Variants in DDR2 observed in about 807,000 individuals in gnomAD.
DDR2 encodes discoidin domain-containing receptor 2.
In DDR2, 27 loss-of-function variants were observed where a neutral mutation model predicts 94.9. The ratio of observed to expected loss-of-function variants is 0.28; its 90% confidence interval spans 0.21 to 0.39. The LOEUF (loss-of-function observed/expected upper bound fraction) is 0.39. Among genes scored for constraint, DDR2 ranks in the 10% least tolerant of loss-of-function variants. The pLI, the probability that DDR2 is intolerant of heterozygous loss-of-function variation, is 1.00. For synonymous variants in DDR2, 382 were observed against 377.2 expected, an observed-to-expected ratio of 1.01 and a Z score of -0.15; for missense variants, 783 against 1,076.0, an observed-to-expected ratio of 0.73 and a Z score of 3.81.
At chr1:162,685,944 T>A (rs772519609) in intron 2 of DDR2, among the ~76,000 whole-genome samples, 81 of 152,350 alleles carry the variant, frequency 5.3e-4, no homozygotes, top group Admixed American at 9.1e-4. Context: ...CCAGGCATTC[T>A]ATTCAGCATC....
At chr1:162,724,625 T>C (rs1245674378) in intron 3 of DDR2, among the ~76,000 whole-genome samples, 1 of 152,170 alleles carries the variant, frequency 6.6e-6, no homozygotes. Context: ...TTTGTTTCCC[T>C]GGCTTCTCGT....
Position 162,669,516 on chromosome 1 carries a change from C to A in DDR2, c.-28+14142C>A, listed in dbSNP as rs192277662. 3.5e-3 allele frequency among the ~76,000 whole-genome samples: 532 copies of A among 152,258 alleles called. 7 individuals carry two copies. Among genetic ancestry groups the A allele is most frequent in the African/African-American group, 0.012 (509 of 41,544 alleles). On this transcript the variant is annotated intron_variant, in intron 2 of 17. Transcript: ENST00000367921. ...ATGTTACATGGCTTTTTAGTGAACA[C>A]TTTTGTTATAAACATGCGTGTGTAG...
chr1:162,650,496 T>C (rs866064247), intron 1 of DDR2, among the ~76,000 whole-genome samples: 32 of 152,208 alleles, frequency 2.1e-4, no homozygotes, highest in African/African-American at 7.7e-4. Context: ...CTCAGGAGGC[T>C]GAGGCAGGAG....
At chr1:162,723,900 G>C (rs1661534062) in intron 3 of DDR2, among the ~76,000 whole-genome samples, 1 of 152,148 alleles carries the variant, frequency 6.6e-6, no homozygotes, top group South Asian at 2.1e-4. Context: ...AAAAAGAGTG[G>C]CAAAGCCATT....
intron 3 of DDR2, among the ~76,000 whole-genome samples, chr1:162,737,755 A>G (rs1662382801): frequency 8.1e-6 from 1 of 123,194 alleles, no homozygotes; most frequent in African/African-American, 3.1e-5. Flanking sequence ...CAATGGTTGA[A>G]CTAGTTTACA....
At chr1:162,701,676 C>G (rs929766811) in intron 2 of DDR2, among the ~76,000 whole-genome samples, 1 of 152,206 alleles carries the variant, frequency 6.6e-6, no homozygotes, top group Non-Finnish European at 1.5e-5. Flanking sequence ...GATTAGTCAG[C>G]CTCTACTTGA....
chr1:162,648,465 G>A (rs1222962279), intron 1 of DDR2, among the ~76,000 whole-genome samples: 1 of 152,114 alleles, frequency 6.6e-6, no homozygotes, highest in Non-Finnish European at 1.5e-5. Context: ...AGCTTTGGAT[G>A]TTGTGGAATT....
At chr1:162,731,389 T>A (rs1662040018) in intron 3 of DDR2, among the ~76,000 whole-genome samples, 1 of 152,318 alleles carries the variant, frequency 6.6e-6, no homozygotes, top group African/African-American at 2.4e-5. Context: ...TATCCAAATT[T>A]CTTCACTTAT....
intron 2 of DDR2, among the ~76,000 whole-genome samples, chr1:162,689,299 T>C (rs1184141752): frequency 6.6e-6 from 1 of 152,252 alleles, no homozygotes; most frequent in African/African-American, 2.4e-5. Flanking sequence ...TGCCAGGTAC[T>C]GGCTAGTCCT....
chr1:162,721,918 A>G (rs1042159624), intron 3 of DDR2, among the ~76,000 whole-genome samples: 1 of 152,218 alleles, frequency 6.6e-6, no homozygotes, highest in Non-Finnish European at 1.5e-5. Context: ...AAAATAAAAT[A>G]ATAATTAGTT....
intron 2 of DDR2, among the ~76,000 whole-genome samples, chr1:162,677,843 G>A (rs1659211305): frequency 6.6e-6 from 1 of 152,204 alleles, no homozygotes; most frequent in African/African-American, 2.4e-5. Flanking sequence ...AACTCCCTCA[G>A]CTTTCAGCTT....
intron 1 of DDR2, among the ~76,000 whole-genome samples, chr1:162,648,255 A>G (rs995995148): frequency 9.2e-5 from 14 of 152,240 alleles, no homozygotes; most frequent in Admixed American, 1.3e-4. Context: ...CTGGTGCTGG[A>G]TGCTGCAAAT....
At chr1:162,633,853 T>G (rs1656680282) in intron 1 of DDR2, among the ~76,000 whole-genome samples, 1 of 152,250 alleles carries the variant, frequency 6.6e-6, no homozygotes, top group African/African-American at 2.4e-5. Context: ...AATACATAAT[T>G]CATGCTCAGA....
At chr1:162,773,195 T>C (rs903016565) in intron 13 of DDR2, among the ~76,000 whole-genome samples, 1 of 152,258 alleles carries the variant, frequency 6.6e-6, no homozygotes, top group Non-Finnish European at 1.5e-5. Flanking sequence ...TATGCTGTAA[T>C]ATAATATTGT....
chr1:162,641,979 C>A (rs1423934350), intron 1 of DDR2, among the ~76,000 whole-genome samples: 1 of 152,044 alleles, frequency 6.6e-6, no homozygotes, highest in East Asian at 1.9e-4. Context: ...GAGACAGAGT[C>A]TCTCCCTGTC....
At position 162,776,155 on chromosome 1, in the gene DDR2, A is replaced by G. The variant is rs377626332; in HGVS notation, c.2068A>G (p.Met690Val). 518 of 1,613,790 alleles carry G rather than the reference A, an allele frequency of 3.2e-4. 9 individuals carry two copies. In the South Asian group the frequency reaches 4.8e-3, roughly 15 times the overall value. ...RTVSYTNLKF[M>V]ATQIASGMKY... Reference sequence around the variant, plus strand: ...CCTCAGTTACACCAATCTGAAGTTTATGGCTACCCAAATTGCCTCTGGCAT... The same window carrying G: ...CCTCAGTTACACCAATCTGAAGTTTGTGGCTACCCAAATTGCCTCTGGCAT... Residue 690 changes from methionine (M) to valine (V), a missense_variant, in exon 16 of 18, where the codon ATG becomes GTG. Around this residue, in one of 2 missense-constraint regions of DDR2, gnomAD observed 264 missense variants for 428.2 expected, o/e 0.62. Transcript: ENST00000367921.
At chr1:162,726,393 A>G (rs968404019) in intron 3 of DDR2, among the ~76,000 whole-genome samples, 5 of 152,178 alleles carry the variant, frequency 3.3e-5, no homozygotes, top group African/African-American at 1.2e-4. Context: ...AAGGGTTCCA[A>G]ATACATCTAC....
At position 162,759,873 on chromosome 1, in the gene DDR2, TG is replaced by T; in HGVS notation, c.750del (p.Trp251GlyfsTer34). On this transcript the variant is annotated frameshift_variant, in exon 8 of 18. Transcript: ENST00000367921. LOFTEE classifies it high-confidence loss of function. ...DDFTQTHEYH[V>X]WPGYDYVGWR... ...TTCACCCAGACCCATGAATACCACG[TG>T]TGGCCCGGCTATGACTATGTGGGCT... 1 of 1,614,136 alleles carries T rather than the reference TG, an allele frequency of 6.2e-7. No homozygotes were observed. Among genetic ancestry groups the T allele is most frequent in the Non-Finnish European group, 8.5e-7 (1 of 1,180,012 alleles).
At chr1:162,742,811 C>T (rs1321963421) in intron 3 of DDR2, among the ~76,000 whole-genome samples, 2 of 152,238 alleles carry the variant, frequency 1.3e-5, no homozygotes, top group Middle Eastern at 3.4e-3. Context: ...AATCATGGCA[C>T]GAGGCGAAAG....
Sources: allele counts gnomAD v4.1 joint callset (sites outside exome capture counted in the v4.1 genomes callset), GRCh38; gene constraint gnomAD v4.1.1; regional missense constraint gnomAD v4.1.1; transcripts MANE v1.5; gene names NCBI Gene and HGNC (gene_info 2026-07-23, HGNC 2026-07-21).